PDS5B: variants seen among roughly 807,000 people sequenced by gnomAD.
PDS5B encodes PDS5 cohesin associated factor B.
In PDS5B, 51 loss-of-function variants were observed where a neutral mutation model predicts 184.1. The ratio of observed to expected loss-of-function variants is 0.28; its 90% CI spans 0.22 to 0.35. The LOEUF is 0.35. Among genes scored for constraint, PDS5B ranks in the 10% least tolerant of loss-of-function variants. The pLI is 1.00. For synonymous variants in PDS5B, 566 were observed against 569.2 expected, an observed-to-expected ratio of 0.99 and a Z score of 0.08; for missense variants, 1,180 against 1,723.3, an observed-to-expected ratio of 0.68 and a Z score of 5.58.
chr13:32,625,279 A>G (rs1047385228), intron 1 of PDS5B, among the ~76,000 whole-genome samples: 2 of 152,096 alleles, frequency 1.3e-5, no homozygotes, highest in Non-Finnish European at 2.9e-5. Flanking sequence ...TGGCAAGATC[A>G]TAACTCTCTG....
chr13:32,617,828 T>A (rs1238108760), intron 1 of PDS5B, among the ~76,000 whole-genome samples: 2 of 152,238 alleles, frequency 1.3e-5, no homozygotes, highest in Non-Finnish European at 2.9e-5. Flanking sequence ...GTGTTTTTCA[T>A]CATTATGTAT....
At chr13:32,760,190 C>A (rs1364580810) in intron 29 of PDS5B, among the ~76,000 whole-genome samples, 1 of 152,126 alleles carries the variant, frequency 6.6e-6, no homozygotes, top group South Asian at 2.1e-4. Flanking sequence ...CTCCTGACCT[C>A]GTGATACACC....
chr13:32,607,168 C>T (rs895097978), intron 1 of PDS5B, among the ~76,000 whole-genome samples: 4 of 152,210 alleles, frequency 2.6e-5, no homozygotes, highest in Non-Finnish European at 5.9e-5. Context: ...CTTTTCTGCT[C>T]TGGTTTCTCC....
intron 19 of PDS5B, among the ~76,000 whole-genome samples, chr13:32,716,637 G>C (rs1206621070): frequency 2.1e-5 from 3 of 141,912 alleles, no homozygotes; most frequent in Non-Finnish European, 3.1e-5. Flanking sequence ...CCCCCCGCCC[G>C]GCCAGCCGCC....
chr13:32,715,808 G>A lies in PDS5B; in HGVS notation c.2123+5702G>A, dbSNP rs1364321832. Reference sequence around the variant, plus strand: ...CGAGTGCCTGCGATTGCAGGTGCGCGCCGCCACGCCTGACTGGTTTTCGTA... The same window carrying A: ...CGAGTGCCTGCGATTGCAGGTGCGCACCGCCACGCCTGACTGGTTTTCGTA... On this transcript the variant is annotated intron_variant, in intron 19 of 34. Transcript: ENST00000315596. Among the ~76,000 whole-genome samples the A allele has an allele frequency of 3.3e-5, 5 of 152,264 alleles. No individual in the cohort carries two copies. In the East Asian group the frequency reaches 5.8e-4, roughly 18 times the overall value.
intron 6 of PDS5B, among the ~76,000 whole-genome samples, chr13:32,659,886 C>T (rs564308096): frequency 6.6e-6 from 1 of 152,242 alleles, no homozygotes; most frequent in South Asian, 2.1e-4. Context: ...TAAGACCTCT[C>T]TGGCAAGATA....
Position 32,658,131 on chromosome 13 carries a change from G to A in PDS5B, c.313-108G>A, listed in dbSNP as rs561921666. On this transcript the variant is annotated intron_variant, in intron 3 of 34. Transcript: ENST00000315596. ...TAAAATTTTTTTCTGGTTCTTTATA[G>A]TTTATTATGATATGTACACATGAGT... 9.4e-6 allele frequency: 5 copies of A among 532,450 alleles called. No homozygotes were observed. In the East Asian group the frequency reaches 1.6e-4, roughly 17 times the overall value. 33.0% of individuals were successfully genotyped at this position (532,450 alleles called of 1,614,324 possible). A position where few individuals can be genotyped will look rare whatever the true frequency, so the allele number is the denominator to read the frequency against.
rs531620598 is a variant in PDS5B, at chr13:32,666,127, C to G, written c.625-1637C>G. On this transcript the variant is annotated intron_variant, in intron 6 of 34. Coordinates refer to ENST00000315596, the MANE Select transcript of PDS5B (RefSeq NM_015032.4). Reference sequence around the variant, plus strand: ...ATGGAGTCTCACTCTGTCACCCAGGCTGGAGTGCAGTGGTGCAATCTCAGC... The same window carrying G: ...ATGGAGTCTCACTCTGTCACCCAGGGTGGAGTGCAGTGGTGCAATCTCAGC... Among the ~76,000 whole-genome samples, 32 of 152,284 alleles carry G rather than the reference C, an allele frequency of 2.1e-4. No homozygotes were observed. In the South Asian group the frequency reaches 5.6e-3, roughly 27 times the overall value.
chr13:32,758,428 A>G, intron 27 of PDS5B, 106 bp from the exon 28 acceptor site: 1 of 1,157,090 alleles, frequency 8.6e-7, no homozygotes, highest in Non-Finnish European at 1.2e-6. Flanking sequence ...TGTTGCTTTC[A>G]TTAGTTTGCT....
chr13:32,638,060 G>A (rs1053259769), intron 1 of PDS5B, among the ~76,000 whole-genome samples: 2 of 152,152 alleles, frequency 1.3e-5, no homozygotes, highest in Non-Finnish European at 2.9e-5. Context: ...TGGTGATTTG[G>A]TTAGGGCTGG....
rs1308784732 is a variant in PDS5B at position 32,746,158 on chromosome 13, A to G, written c.2736+58A>G. On this transcript the variant is annotated intron_variant, in intron 24 of 34. Coordinates refer to ENST00000315596, the MANE Select transcript of PDS5B (RefSeq NM_015032.4). ...AAGGTCTTTGACTTTTAGGAAGGAA[A>G]AACATCCACTGTGATACATAGATTA... 8.3e-6 allele frequency: 12 copies of G among 1,452,358 alleles called. No individual in the cohort carries two copies. The Admixed American group carries it at 1.1e-4, about 13-fold the overall frequency. The allele number at this position is 1,452,358 out of a possible 1,614,324, so 90.0% of individuals were successfully genotyped here.
chr13:32,722,005 C>T (rs1418035267), intron 19 of PDS5B, among the ~76,000 whole-genome samples: 5 of 152,118 alleles, frequency 3.3e-5, no homozygotes, highest in Admixed American at 6.5e-5. Flanking sequence ...CCAAGGCAGG[C>T]GGCTGGGAGG....
At chr13:32,741,901 G>A (rs1953572667) in intron 22 of PDS5B, among the ~76,000 whole-genome samples, 1 of 152,008 alleles carries the variant, frequency 6.6e-6, no homozygotes, top group Non-Finnish European at 1.5e-5. Context: ...CTCGGCATTG[G>A]TCTCAAGCTG....
chr13:32,687,505 T>G (rs1472821241), intron 12 of PDS5B, among the ~76,000 whole-genome samples: 1 of 152,164 alleles, frequency 6.6e-6, no homozygotes, highest in Non-Finnish European at 1.5e-5. Flanking sequence ...CGTTCCATTT[T>G]CATATACTGT....
chr13:32,656,698 G>A (rs1445424465), intron 3 of PDS5B, among the ~76,000 whole-genome samples: 1 of 150,824 alleles, frequency 6.6e-6, no homozygotes, highest in African/African-American at 2.4e-5. Context: ...CTGGGTACAA[G>A]CAATTCTCCT....
At chr13:32,616,049 C>T (rs1007133286) in intron 1 of PDS5B, among the ~76,000 whole-genome samples, 1 of 151,284 alleles carries the variant, frequency 6.6e-6, no homozygotes, top group African/African-American at 2.4e-5. Flanking sequence ...TTTTCCTCCT[C>T]TCTCTCTCTC....
At chr13:32,755,750 A>G (rs1009351778) in intron 25 of PDS5B, 92 bp from the exon 26 acceptor site, 8 of 596,276 alleles carry the variant, frequency 1.3e-5, no homozygotes, top group African/African-American at 1.9e-5. Context: ...AGTATGTAAG[A>G]TTTGGTTTTC....
At position 32,706,844 on chromosome 13, in the gene PDS5B, A is replaced by G. The variant is rs1952033452; in HGVS notation, c.1857-90A>G. ...TTGTATTTGGTTCGGATATGTATATATGTATGTGCACATATATGTAACACA... is the reference window on the plus strand; with the variant it reads ...TTGTATTTGGTTCGGATATGTATATGTGTATGTGCACATATATGTAACACA... On this transcript the variant is annotated intron_variant, in intron 17 of 34. Coordinates refer to ENST00000315596, the MANE Select transcript of PDS5B (RefSeq NM_015032.4). 4 of 663,536 alleles carry G rather than the reference A, an allele frequency of 6.0e-6. No individual in the cohort carries two copies. The South Asian group carries it at 9.0e-5, about 15-fold the overall frequency. The allele number at this position is 663,536 out of a possible 1,614,324, so 41.1% of individuals were successfully genotyped here. A position where few individuals can be genotyped will look rare whatever the true frequency, so the allele number is the denominator to read the frequency against.
intron 19 of PDS5B, among the ~76,000 whole-genome samples, chr13:32,726,383 A>G (rs1342470546): frequency 2.6e-5 from 4 of 152,192 alleles, no homozygotes; most frequent in Admixed American, 2.6e-4. Flanking sequence ...TTTCAGTATT[A>G]CAGTCTTTCA....
Sources: allele counts gnomAD v4.1 joint callset (sites outside exome capture counted in the v4.1 genomes callset), GRCh38; gene constraint gnomAD v4.1.1; transcripts MANE v1.5; gene names NCBI Gene and HGNC (gene_info 2026-07-23, HGNC 2026-07-21).